WIPF1: variants seen among roughly 807,000 people sequenced by gnomAD.
WIPF1 encodes the protein WAS/WASL interacting protein family member 1, also known as WAS/WASL-interacting protein family member 1.
In WIPF1, 13 loss-of-function variants were observed where a neutral mutation model predicts 35.4. The observed-to-expected ratio is 0.37, with a 90% CI of 0.24 to 0.58. The LOEUF is 0.58. Ranked by LOEUF, WIPF1 falls within the 20% of genes least tolerant of loss-of-function variation. The probability of loss-of-function intolerance (pLI) is 0.74; values close to 1 mark genes in which losing one functional copy is unlikely to be tolerated. For synonymous variants in WIPF1, 267 were observed against 266.3 expected (o/e 1.00, Z -0.02); for missense variants, 591 against 667.0 (o/e 0.89, Z 1.25).
At chr2:174,576,716 A>C (rs1294441193) in intron 3 of WIPF1, among the ~76,000 whole-genome samples, 1 of 152,210 alleles carries the variant, frequency 6.6e-6, no homozygotes, top group Non-Finnish European at 1.5e-5. Context: ...TTTGAGCCAC[A>C]GTATCTTATC....
chr2:174,594,075 C>G (rs984716539), intron 1 of WIPF1, among the ~76,000 whole-genome samples: 3 of 152,218 alleles, frequency 2.0e-5, no homozygotes, highest in African/African-American at 4.8e-5. Context: ...CACAGAATCC[C>G]TCATTTCTCA....
At chr2:174,615,393 G>A (rs554908867) in intron 1 of WIPF1, among the ~76,000 whole-genome samples, 143 of 152,172 alleles carry the variant, frequency 9.4e-4, no homozygotes, top group African/African-American at 3.3e-3. Context: ...ATGTAGCATG[G>A]TTATGTATTT....
At chr2:174,568,104 C>A (rs1406408751) in intron 5 of WIPF1, 31 bp from the exon 6 acceptor site, 14 of 1,595,180 alleles carry the variant, frequency 8.8e-6, no homozygotes, top group Non-Finnish European at 1.2e-5. Context: ...TAGTGCAGAA[C>A]CTTACATCCA....
Position 174,560,772 on chromosome 2 carries a change from A to G in WIPF1, c.*1775T>C, listed in dbSNP as rs1684464395. 1 of 152,598 alleles carries G rather than the reference A, an allele frequency of 6.6e-6. No individual in the cohort carries two copies. Among genetic ancestry groups the G allele is most frequent in the Non-Finnish European group, 1.5e-5 (1 of 68,028 alleles). The allele number at this position is 152,598 out of a possible 1,614,324, so 9.5% of individuals were successfully genotyped here. A position where few individuals can be genotyped will look rare whatever the true frequency, so the allele number is the denominator to read the frequency against. On this transcript the variant is annotated 3_prime_UTR_variant, in exon 8 of 8. Transcript: ENST00000679041. ...AGAAATATAATATATTCAAATCAGTAACTTCATAATTTATTAGACATCCCA... is the reference window on the plus strand; with the variant it reads ...AGAAATATAATATATTCAAATCAGTGACTTCATAATTTATTAGACATCCCA...
intron 1 of WIPF1, among the ~76,000 whole-genome samples, chr2:174,627,960 G>A (rs1428851641): frequency 6.6e-6 from 1 of 152,144 alleles, no homozygotes; most frequent in African/African-American, 2.4e-5. Flanking sequence ...CTGACACTTA[G>A]GAGAGGCTGC....
intron 1 of WIPF1, among the ~76,000 whole-genome samples, chr2:174,617,099 T>C (rs939175036): frequency 3.9e-5 from 6 of 152,154 alleles, no homozygotes; most frequent in Non-Finnish European, 1.5e-5. Flanking sequence ...CCATGTTACA[T>C]GTGGGGATAA....
At chr2:174,674,903 TACACACACACACACACACACAC>T (rs35062209) in intron 1 of WIPF1, among the ~76,000 whole-genome samples, 2 of 133,918 alleles carry the variant, frequency 1.5e-5, no homozygotes, top group African/African-American at 2.9e-5. Context: ...CAGGTTCAAA[TACACACACACACACACACACAC>T]ACACACACAC....
chr2:174,596,617 A>G (rs1362253441), intron 1 of WIPF1, among the ~76,000 whole-genome samples: 1 of 152,146 alleles, frequency 6.6e-6, no homozygotes, highest in East Asian at 1.9e-4. Context: ...TATTTAAAAT[A>G]ACTTGTATGC....
chr2:174,650,573 C>G (rs1687514448), intron 1 of WIPF1, among the ~76,000 whole-genome samples: 1 of 152,084 alleles, frequency 6.6e-6, no homozygotes. Context: ...ATCTTAAGAC[C>G]ATCCTGACTG....
chr2:174,578,167 C>G (rs1028629339), intron 3 of WIPF1, among the ~76,000 whole-genome samples: 2 of 152,136 alleles, frequency 1.3e-5, no homozygotes, highest in African/African-American at 4.8e-5. Flanking sequence ...TAGCAGCCCT[C>G]CCTGTCCCCC....
At chr2:174,579,281 C>T in intron 3 of WIPF1, among the ~76,000 whole-genome samples, 1 of 152,240 alleles carries the variant, frequency 6.6e-6, no homozygotes, top group Non-Finnish European at 1.5e-5. Flanking sequence ...GCTGGGATTA[C>T]AGGTGTGAGC....
intron 2 of WIPF1, among the ~76,000 whole-genome samples, chr2:174,581,764 G>A (rs1685248293): frequency 6.6e-6 from 1 of 152,184 alleles, no homozygotes; most frequent in African/African-American, 2.4e-5. Context: ...AGAATTTTAA[G>A]TCTGGGAGGA....
Position 174,596,864 on chromosome 2 carries a change from ATTCTAG to A in WIPF1, c.-39+731_-39+736del, listed in dbSNP as rs199711681. On this transcript the variant is annotated intron_variant, in intron 1 of 7. Transcript: ENST00000679041. ...TAAGTCAAATTGTTTCTTCCTACAT[ATTCTAG>A]AAAAAAGTTTTTTAATGTAAAAAGT... 2.7e-3 allele frequency among the ~76,000 whole-genome samples: 414 copies of A among 152,330 alleles called. 1 individual carries two copies. The highest frequency in any genetic ancestry group is 9.5e-3 in the African/African-American group (397 of 41,582).
chr2:174,660,332 AT>A (rs1392318397), intron 1 of WIPF1, among the ~76,000 whole-genome samples: 1 of 152,164 alleles, frequency 6.6e-6, no homozygotes. Context: ...GGTTGCCTAA[AT>A]TTTTTGTGCT....
intron 1 of WIPF1, among the ~76,000 whole-genome samples, chr2:174,627,825 A>G (rs2105926502): frequency 6.6e-6 from 1 of 152,310 alleles, no homozygotes; most frequent in East Asian, 1.9e-4. Flanking sequence ...CTGGGATTAC[A>G]TGCATGAGAC....
At chr2:174,680,851 C>T (rs1483357811) in intron 1 of WIPF1, among the ~76,000 whole-genome samples, 1 of 152,194 alleles carries the variant, frequency 6.6e-6, no homozygotes, top group African/African-American at 2.4e-5. Flanking sequence ...GCTTCCTTCA[C>T]ACCCCATTAT....
chr2:174,655,328 A>G (rs897538494), intron 1 of WIPF1, among the ~76,000 whole-genome samples: 3 of 152,140 alleles, frequency 2.0e-5, no homozygotes, highest in Non-Finnish European at 4.4e-5. Context: ...TTAGTATGCT[A>G]TAACTAATAT....
chr2:174,622,780 A>G lies in WIPF1; in HGVS notation c.-38-37169T>C, dbSNP rs1409634154. Among the ~76,000 whole-genome samples, 1 of 152,162 alleles carries G rather than the reference A, an allele frequency of 6.6e-6. No homozygotes were observed. Among genetic ancestry groups the G allele is most frequent in the Non-Finnish European group, 1.5e-5 (1 of 68,036 alleles). ...TTAACAATTTTTATTTTTGTTTTTAATTTTTGTGGGTACACAGTCTTTGTT... is the reference window on the plus strand; with the variant it reads ...TTAACAATTTTTATTTTTGTTTTTAGTTTTTGTGGGTACACAGTCTTTGTT... On this transcript the variant is annotated intron_variant, in intron 1 of 8. Coordinates refer to the WIPF1 transcript ENST00000272746. The surrounding 1 kb of genome is among the most constrained non-coding windows in gnomAD (Gnocchi z 5.1).
Position 174,571,541 on chromosome 2 carries a change from G to A in WIPF1, c.1129+135C>T, listed in dbSNP as rs929576399. On this transcript the variant is annotated intron_variant, in intron 5 of 7. Transcript: ENST00000679041. The surrounding 1 kb of genome is among the most constrained non-coding windows in gnomAD (Gnocchi z 4.6). ...ACACGAGGTCACGATCACACGTGTC[G>A]TGTGCCACTTAAAAGCACAAAGCAG... The A allele has an allele frequency of 7.4e-6, 9 of 1,208,458 alleles. No individual in the cohort carries two copies. Among genetic ancestry groups the A allele is most frequent in the Admixed American group, 6.8e-5 (4 of 58,994 alleles). 74.9% of individuals were successfully genotyped at this position (1,208,458 alleles called of 1,614,324 possible). A position where few individuals can be genotyped will look rare whatever the true frequency, so the allele number is the denominator to read the frequency against.
Sources: gnomAD v4.1 joint callset for allele counts (sites outside exome capture counted in the v4.1 genomes callset) on GRCh38, gnomAD v4.1.1 for gene constraint, Gnocchi (gnomAD v3.1) non-coding constraint, MANE v1.5 for transcripts, NCBI Gene and HGNC (gene_info 2026-07-23, HGNC 2026-07-21) for gene names.